Variants in KIRREL3 observed in about 807,000 individuals in gnomAD.
The protein encoded by KIRREL3 is kin of IRRE-like protein 3.
Under a neutral mutation model 89.7 loss-of-function variants are expected in KIRREL3, and 36 were observed. The observed-to-expected ratio is 0.40, with a 90% CI of 0.31 to 0.53. KIRREL3 has a LOEUF of 0.53. Ranked by LOEUF, KIRREL3 falls within the 20% of genes least tolerant of loss-of-function variation. The pLI, the probability that KIRREL3 is intolerant of heterozygous loss-of-function variation, is 0.49. For synonymous variants in KIRREL3, 445 were observed against 441.4 expected, an observed-to-expected ratio of 1.01 and a Z score of -0.10; for missense variants, 864 against 1,056.6, an observed-to-expected ratio of 0.82 and a Z score of 2.53.
intron 11 of KIRREL3, among the ~76,000 whole-genome samples, chr11:126,439,013 C>G (rs1047036403): frequency 1.3e-5 from 2 of 152,160 alleles, no homozygotes; most frequent in African/African-American, 4.8e-5. Flanking sequence ...ATAAGTTTTC[C>G]CCGAGTAGTG....
At chr11:126,935,808 T>A (rs530204672) in intron 1 of KIRREL3, 26 of 152,316 alleles carry the variant, frequency 1.7e-4, no homozygotes, top group Admixed American at 6.5e-4. Context: ...TAGATGCAAG[T>A]CATTATACAT....
intron 10 of KIRREL3, among the ~76,000 whole-genome samples, chr11:126,444,028 T>C (rs895418934): frequency 6.6e-6 from 1 of 152,242 alleles, no homozygotes; most frequent in Admixed American, 6.5e-5. Context: ...TGCGTCCTGG[T>C]GCCACAACCT....
rs1419705879 is a variant in KIRREL3, at chr11:126,924,988, A to C, written c.55+75467T>G. Among the ~76,000 whole-genome samples the C allele has an allele frequency of 2.8e-5, 4 of 144,828 alleles. No individual in the cohort carries two copies. The highest frequency in any genetic ancestry group is 7.0e-5 in the Admixed American group (1 of 14,354). Reference sequence around the variant, plus strand: ...GGGATAAAATTGAAAAAAAAAAAAAACAGTCCTAGGAGTTATGCCCTTAGG... The same window carrying C: ...GGGATAAAATTGAAAAAAAAAAAAACCAGTCCTAGGAGTTATGCCCTTAGG... On this transcript the variant is annotated intron_variant, in intron 1 of 16. Transcript: ENST00000525144. The surrounding 1 kb of genome is among the most constrained non-coding windows in gnomAD (Gnocchi z 4.7).
rs1958114481 is a variant in KIRREL3, at chr11:126,508,979, C to T, written c.433+12336G>A. On this transcript the variant is annotated intron_variant, in intron 4 of 16. Transcript: ENST00000525144. This position sits in a 1 kb window ranked among gnomAD's most constrained non-coding sequence, Gnocchi z 4.9. ...ATAGAAGGTGTGGCTGAACTTAGAT[C>T]TCCTCATCCCTGCCTAGTGGGGCAC... Among the ~76,000 whole-genome samples the T allele has an allele frequency of 6.6e-6, 1 of 152,188 alleles. No homozygotes were observed. Among genetic ancestry groups the T allele is most frequent in the Non-Finnish European group, 1.5e-5 (1 of 68,036 alleles).
intron 1 of KIRREL3, among the ~76,000 whole-genome samples, chr11:126,934,541 C>T (rs1948094794): frequency 6.6e-6 from 1 of 152,062 alleles, no homozygotes; most frequent in Non-Finnish European, 1.5e-5. Context: ...TTCCATGAAT[C>T]ATATACTTGA....
rs1019127612 is a variant in KIRREL3 at position 126,645,405 on chromosome 11, A to G, written c.56-82493T>C. Among the ~76,000 whole-genome samples, 1 of 152,130 alleles carries G rather than the reference A, an allele frequency of 6.6e-6. No individual in the cohort carries two copies. The highest frequency in any genetic ancestry group is 1.5e-5 in the Non-Finnish European group (1 of 68,022). ...AGCCTTTCTCCTTCCACCGTGAGCC[A>G]TTTGAGGGCAGAGACCAGACCATCT... On this transcript the variant is annotated intron_variant, in intron 1 of 16. Coordinates refer to ENST00000525144, the MANE Select transcript of KIRREL3 (RefSeq NM_032531.4). The surrounding 1 kb of genome is among the most constrained non-coding windows in gnomAD (Gnocchi z 4.9).
chr11:126,499,403 A>G (rs568835405), intron 4 of KIRREL3, among the ~76,000 whole-genome samples: 1 of 151,968 alleles, frequency 6.6e-6, no homozygotes, highest in Admixed American at 6.6e-5. Flanking sequence ...ACTACCCAAC[A>G]CTTCCCTGCC....
chr11:126,849,143 T>G (rs910329330), intron 1 of KIRREL3, among the ~76,000 whole-genome samples: 6 of 152,136 alleles, frequency 3.9e-5, no homozygotes, highest in Non-Finnish European at 5.9e-5. Flanking sequence ...TAAAACAGTT[T>G]GTGTTAAAGA....
intron 1 of KIRREL3, among the ~76,000 whole-genome samples, chr11:126,895,163 T>C (rs1946098409): frequency 6.6e-6 from 1 of 152,010 alleles, no homozygotes; most frequent in Non-Finnish European, 1.5e-5. Flanking sequence ...AGCTTCCTTC[T>C]TGTGAAAGCA....
intron 1 of KIRREL3, among the ~76,000 whole-genome samples, chr11:126,650,939 A>G (rs537403907): frequency 6.6e-6 from 1 of 152,264 alleles, no homozygotes; most frequent in African/African-American, 2.4e-5. Context: ...AGTAAAAGGC[A>G]CTTCTTACAT....
chr11:126,751,486 T>C (rs1157800023), intron 1 of KIRREL3, among the ~76,000 whole-genome samples: 2 of 152,222 alleles, frequency 1.3e-5, no homozygotes, highest in Admixed American at 1.3e-4. Context: ...CACTTGATTC[T>C]TTTAGCATTC....
chr11:126,539,457 A>T (rs1373706444), intron 2 of KIRREL3, among the ~76,000 whole-genome samples: 1 of 152,178 alleles, frequency 6.6e-6, no homozygotes, highest in Non-Finnish European at 1.5e-5. Flanking sequence ...AGGGAGGAGG[A>T]TGAATGAAGG....
chr11:126,880,637 G>GT (rs34608539), intron 1 of KIRREL3, among the ~76,000 whole-genome samples: 59,348 of 142,808 alleles, frequency 0.42, 12,829 homozygotes, highest in Non-Finnish European at 0.5. Context: ...AAAAGTTGTG[G>GT]TTTTTTTTTT....
intron 1 of KIRREL3, among the ~76,000 whole-genome samples, chr11:126,838,084 T>C (rs1256702284): frequency 1.3e-5 from 2 of 152,180 alleles, no homozygotes; most frequent in African/African-American, 4.8e-5. Flanking sequence ...TATTTGGACA[T>C]CATCTGTCTG....
chr11:126,442,309 AC>A, intron 10 of KIRREL3, among the ~76,000 whole-genome samples: 1 of 56,720 alleles, frequency 1.8e-5, no homozygotes, highest in Non-Finnish European at 3.5e-5. Context: ...GCACAGACAC[AC>A]AAAACACACA....
At chr11:126,500,173 T>G (rs762790440) in intron 4 of KIRREL3, among the ~76,000 whole-genome samples, 12 of 152,206 alleles carry the variant, frequency 7.9e-5, no homozygotes, top group Non-Finnish European at 1.3e-4. Context: ...CGGAGTACGA[T>G]TAGGTGGAAT....
chr11:126,958,762 T>G (rs754842926), intron 1 of KIRREL3, among the ~76,000 whole-genome samples: 2 of 152,180 alleles, frequency 1.3e-5, no homozygotes, highest in Non-Finnish European at 2.9e-5. Context: ...TTCCTATAAA[T>G]TAGAGCATTT....
intron 4 of KIRREL3, among the ~76,000 whole-genome samples, chr11:126,500,633 G>T (rs1433029665): frequency 1.3e-5 from 2 of 151,950 alleles, no homozygotes; most frequent in Non-Finnish European, 2.9e-5. Flanking sequence ...CCAGCTACTT[G>T]GGAGGCTGAG....
rs1184764591 is a variant in KIRREL3, at chr11:126,571,356, G to A, written c.56-8444C>T. Reference sequence around the variant, plus strand: ...CAACATGGGACCCAAGGTTGGCAGAGCTCACCCCACTCCTCTGTACACTGA... The same window carrying A: ...CAACATGGGACCCAAGGTTGGCAGAACTCACCCCACTCCTCTGTACACTGA... On this transcript the variant is annotated intron_variant, in intron 1 of 16. Transcript: ENST00000525144. The surrounding 1 kb of genome is among the most constrained non-coding windows in gnomAD (Gnocchi z 7.7). Among the ~76,000 whole-genome samples the A allele has an allele frequency of 1.3e-5, 2 of 152,202 alleles. No homozygotes were observed. Among genetic ancestry groups the A allele is most frequent in the African/African-American group, 4.8e-5 (2 of 41,458 alleles).
Sources: allele counts gnomAD v4.1 joint callset (sites outside exome capture counted in the v4.1 genomes callset), GRCh38; gene constraint gnomAD v4.1.1; non-coding constraint Gnocchi (gnomAD v3.1); transcripts MANE v1.5; gene names NCBI Gene and HGNC (gene_info 2026-07-23, HGNC 2026-07-21).